Variants in ERC2 observed in about 807,000 individuals in gnomAD.
The protein encoded by ERC2 is ERC protein 2.
In ERC2, 42 loss-of-function variants were observed where a neutral mutation model predicts 114.8. The observed-to-expected ratio is 0.37, with a 90% CI of 0.29 to 0.47. The LOEUF (loss-of-function observed/expected upper bound fraction) is 0.47. Ranked by LOEUF, ERC2 falls within the 20% of genes least tolerant of loss-of-function variation. ERC2 has a pLI of 0.99. For missense variants in ERC2, 939 were observed against 1,150.7 expected (o/e 0.82, Z 2.66); for synonymous variants, 454 against 425.5 (o/e 1.07, Z -0.82).
intron 15 of ERC2, among the ~76,000 whole-genome samples, chr3:55,706,557 C>A (rs1439002930): frequency 6.6e-6 from 1 of 151,826 alleles, no homozygotes; most frequent in African/African-American, 2.4e-5. Context: ...CCACCACTCC[C>A]AGTTATTTTA....
At chr3:56,464,906 G>C in intron 1 of ERC2, among the ~76,000 whole-genome samples, 1 of 151,840 alleles carries the variant, frequency 6.6e-6, no homozygotes. Context: ...AAGGCTAGAG[G>C]GTGTCCTAGT....
At chr3:55,877,502 AT>A (rs2062912120) in intron 14 of ERC2, among the ~76,000 whole-genome samples, 2 of 145,996 alleles carry the variant, frequency 1.4e-5, no homozygotes, top group South Asian at 4.4e-4. Flanking sequence ...TCTTTTTTTA[AT>A]TTTTATTTTT....
At chr3:55,998,958 G>C (rs2071813943) in intron 10 of ERC2, among the ~76,000 whole-genome samples, 1 of 152,182 alleles carries the variant, frequency 6.6e-6, no homozygotes, top group African/African-American at 2.4e-5. Context: ...CCAACAGCAA[G>C]GTTGCACCCA....
chr3:55,885,443 T>C (rs1317602902), intron 14 of ERC2, among the ~76,000 whole-genome samples: 2 of 152,240 alleles, frequency 1.3e-5, no homozygotes, highest in Non-Finnish European at 2.9e-5. Context: ...GTTGGGCTTC[T>C]AGGCCAGTTA....
At chr3:56,365,206 CA>C (rs1332308968) in intron 2 of ERC2, among the ~76,000 whole-genome samples, 2 of 152,334 alleles carry the variant, frequency 1.3e-5, no homozygotes, top group Non-Finnish European at 1.5e-5. Flanking sequence ...ACATTTTAAT[CA>C]GTGACTGTAT....
At chr3:56,073,664 T>C (rs979001712) in intron 7 of ERC2, among the ~76,000 whole-genome samples, 12 of 152,198 alleles carry the variant, frequency 7.9e-5, no homozygotes, top group Non-Finnish European at 1.6e-4. Flanking sequence ...TCCCAGACCG[T>C]TTCCACTCTG....
chr3:56,083,886 G>A (rs940415505), intron 6 of ERC2, among the ~76,000 whole-genome samples: 2 of 151,662 alleles, frequency 1.3e-5, no homozygotes, highest in Non-Finnish European at 2.9e-5. Flanking sequence ...AACAAGAAGA[G>A]TTAAAAGGGT....
chr3:56,337,257 T>A (rs1278541520), intron 2 of ERC2, among the ~76,000 whole-genome samples: 3 of 152,212 alleles, frequency 2.0e-5, no homozygotes, highest in African/African-American at 7.2e-5. Context: ...CCCACAAGTA[T>A]AAGCAGAAAG....
At chr3:55,545,035 A>C (rs972674500) in intron 17 of ERC2, among the ~76,000 whole-genome samples, 1 of 152,126 alleles carries the variant, frequency 6.6e-6, no homozygotes, top group African/African-American at 2.4e-5. Flanking sequence ...ACTGAACTGC[A>C]CCTTCATCTG....
At chr3:56,098,922 T>C (rs1353083729) in intron 6 of ERC2, among the ~76,000 whole-genome samples, 4 of 152,196 alleles carry the variant, frequency 2.6e-5, no homozygotes, top group Non-Finnish European at 4.4e-5. Flanking sequence ...ATTGATTTAG[T>C]ACCTGTAATG....
chr3:55,586,344 T>A (rs752242258), intron 17 of ERC2, among the ~76,000 whole-genome samples: 4 of 152,248 alleles, frequency 2.6e-5, no homozygotes, highest in Non-Finnish European at 5.9e-5. Flanking sequence ...ATAACTCCCA[T>A]ATTACTTTGG....
chr3:56,229,819 A>C (rs1462939601), intron 3 of ERC2, among the ~76,000 whole-genome samples: 1 of 145,422 alleles, frequency 6.9e-6, no homozygotes, highest in African/African-American at 2.6e-5. Flanking sequence ...AGCTCTAAAA[A>C]CTCTATAGGT....
At chr3:56,424,372 A>G (rs1300818843) in intron 2 of ERC2, among the ~76,000 whole-genome samples, 1 of 152,168 alleles carries the variant, frequency 6.6e-6, no homozygotes, top group African/African-American at 2.4e-5. Context: ...TAGGTCTCCC[A>G]AGGTCCAGCA....
intron 10 of ERC2, among the ~76,000 whole-genome samples, chr3:56,002,874 A>T (rs2072181960): frequency 6.6e-6 from 1 of 152,154 alleles, no homozygotes; most frequent in African/African-American, 2.4e-5. Context: ...GTTAAGAAGG[A>T]GGTAATATCA....
At chr3:55,889,179 C>G (rs2063495942) in intron 13 of ERC2, among the ~76,000 whole-genome samples, 1 of 152,148 alleles carries the variant, frequency 6.6e-6, no homozygotes, top group African/African-American at 2.4e-5. Flanking sequence ...GTGTAGGCCC[C>G]AGAGTACTTT....
At chr3:55,619,011 A>T (rs1293819874) in intron 17 of ERC2, among the ~76,000 whole-genome samples, 1 of 152,152 alleles carries the variant, frequency 6.6e-6, no homozygotes, top group Non-Finnish European at 1.5e-5. Flanking sequence ...GGAATGGTAA[A>T]ACCACAAGTG....
At chr3:55,711,524 G>C (rs2063777963) in intron 15 of ERC2, among the ~76,000 whole-genome samples, 1 of 152,138 alleles carries the variant, frequency 6.6e-6, no homozygotes, top group South Asian at 2.1e-4. Flanking sequence ...ATGGTTGCAT[G>C]TTATTCCACT....
chr3:56,466,954 G>C (rs1047163104), intron 1 of ERC2: 9 of 152,224 alleles, frequency 5.9e-5, no homozygotes, highest in Admixed American at 4.6e-4. Flanking sequence ...TCTTTACACA[G>C]ATTCATTTTC....
intron 14 of ERC2, among the ~76,000 whole-genome samples, chr3:55,779,537 C>T (rs986286748): frequency 1.3e-5 from 2 of 151,410 alleles, no homozygotes; most frequent in African/African-American, 4.9e-5. Context: ...GACTGCTTCA[C>T]AATTTAATTT....
Sources: gnomAD v4.1 joint callset for allele counts (sites outside exome capture counted in the v4.1 genomes callset) on GRCh38, gnomAD v4.1.1 for gene constraint, MANE v1.5 for transcripts, NCBI Gene and HGNC (gene_info 2026-07-23, HGNC 2026-07-21) for gene names.